The following SLC9A4 variants were observed in gnomAD, a reference collection of about 807,000 sequenced individuals.
SLC9A4 encodes the protein sodium/hydrogen exchanger 4.
SLC9A4 carries 63 observed loss-of-function variants against 67.4 expected under a neutral mutation model. The ratio of observed to expected loss-of-function variants is 0.93; its 90% CI spans 0.76 to 1.15. The LOEUF (loss-of-function observed/expected upper bound fraction) is 1.15. Among genes scored for constraint, SLC9A4 ranks in the 50% most tolerant of loss-of-function variants. The probability of loss-of-function intolerance (pLI) is 0.00; values close to 1 mark genes in which losing one functional copy is unlikely to be tolerated. For missense variants in SLC9A4, 1,089 were observed against 987.7 expected (o/e 1.10, Z -1.38); for synonymous variants, 393 against 367.2 (o/e 1.07, Z -0.80).
chr2:102,505,679 T>A, intron 4 of SLC9A4: 1 of 526,564 alleles, frequency 1.9e-6, no homozygotes. Context: ...AGGTTCTGCA[T>A]TGAAGCAAGG....
Position 102,514,943 on chromosome 2 carries a change from G to A in SLC9A4, c.1721+692G>A, listed in dbSNP as rs997023998. On this transcript the variant is annotated intron_variant, in intron 8 of 11. Coordinates refer to ENST00000295269, the MANE Select transcript of SLC9A4 (RefSeq NM_001011552.4). ...ACAAGACGATTTTCTATGCAACGTGGTAGAGCCTCTGGTAGCCACTTGTCC... is the reference window on the plus strand; with the variant it reads ...ACAAGACGATTTTCTATGCAACGTGATAGAGCCTCTGGTAGCCACTTGTCC... Among the ~76,000 whole-genome samples, 15 of 152,252 alleles carry A rather than the reference G, an allele frequency of 9.9e-5. No homozygotes were observed. The South Asian group carries it at 1.2e-3, about 13-fold the overall frequency.
At chr2:102,489,688 T>A (rs1383121701) in intron 2 of SLC9A4, among the ~76,000 whole-genome samples, 1 of 152,232 alleles carries the variant, frequency 6.6e-6, no homozygotes, top group Non-Finnish European at 1.5e-5. Context: ...AAAGGATAAA[T>A]GTCCAGAGAT....
rs574414542 is a variant in SLC9A4, at chr2:102,496,246, C to T, written c.721-7202C>T. Among the ~76,000 whole-genome samples, 23 of 151,822 alleles carry T rather than the reference C, an allele frequency of 1.5e-4. No individual in the cohort carries two copies. The South Asian group carries it at 4.8e-3, about 32-fold the overall frequency. ...CAGATACACCATAAAAGATGATATA[C>T]TCATGGTCAGTAAGCACATGAAAAT... On this transcript the variant is annotated intron_variant, in intron 2 of 11. Coordinates refer to ENST00000295269, the MANE Select transcript of SLC9A4 (RefSeq NM_001011552.4).
chr2:102,492,846 T>C (rs935749341), intron 2 of SLC9A4, among the ~76,000 whole-genome samples: 16 of 152,238 alleles, frequency 1.1e-4, no homozygotes, highest in African/African-American at 3.9e-4. Context: ...TTTTCCAAAC[T>C]TGTATGCTCT....
rs115263091 is a variant in SLC9A4 at position 102,525,981 on chromosome 2, G to A, written c.1951-278G>A. On this transcript the variant is annotated intron_variant, in intron 10 of 11. Coordinates refer to ENST00000295269, the MANE Select transcript of SLC9A4 (RefSeq NM_001011552.4). ...CAGCTCACTGAAACCTCTGTCTCCC[G>A]GGTTCATGCGATTCTCCTGCCTCAG... Among the ~76,000 whole-genome samples the A allele has an allele frequency of 0.11, 16,415 of 152,034 alleles. 1,166 individuals are homozygous for A. The highest frequency in any genetic ancestry group is 0.19 in the African/African-American group (7,713 of 41,432).
chr2:102,518,795 A>G (rs1685332154), intron 8 of SLC9A4, among the ~76,000 whole-genome samples: 1 of 152,222 alleles, frequency 6.6e-6, no homozygotes, highest in Non-Finnish European at 1.5e-5. Flanking sequence ...TTAAGAGCAT[A>G]TGCAAGCAGA....
At chr2:102,480,825 GT>G (rs1181964562) in intron 2 of SLC9A4, among the ~76,000 whole-genome samples, 1 of 152,194 alleles carries the variant, frequency 6.6e-6, no homozygotes, top group African/African-American at 2.4e-5. Context: ...ACTGACAACA[GT>G]TTATCAGTCA....
chr2:102,532,672 T>C lies in SLC9A4; in HGVS notation c.2381T>C (p.Leu794Ser). 1 of 1,612,098 alleles carries C rather than the reference T, an allele frequency of 6.2e-7. No individual in the cohort carries two copies. The change falls in exon 12 of 12, where the codon TTG becomes TCG. Residue 794 changes from leucine (L) to serine (S), a missense_variant. Physicochemically the swap from Leu to Ser is moderately radical, Grantham distance 145. Coordinates refer to ENST00000295269, the MANE Select transcript of SLC9A4 (RefSeq NM_001011552.4). ...GACCATCACAGGTCCCATAGTCCTT[T>C]GCTCCAAAAAAAATAGTGTTATTGT... ...GRDHHRSHSP[L>S]LQKK is the part of the protein sequence containing the mutation.
chr2:102,508,769 GT>G, intron 5 of SLC9A4, 77 bp from the exon 6 acceptor site: 1 of 1,057,916 alleles, frequency 9.5e-7, no homozygotes, highest in African/African-American at 1.6e-5. Flanking sequence ...CATTCTAATA[GT>G]TTTGTTAATA....
intron 2 of SLC9A4, among the ~76,000 whole-genome samples, chr2:102,483,381 T>G (rs139593593): frequency 2.2e-3 from 342 of 152,256 alleles, no homozygotes; most frequent in South Asian, 5.0e-3. Flanking sequence ...GACCTCACCC[T>G]TTCATTGAGG....
chr2:102,487,814 G>A (rs912078305), intron 2 of SLC9A4, among the ~76,000 whole-genome samples: 3 of 152,182 alleles, frequency 2.0e-5, no homozygotes, highest in Admixed American at 6.6e-5. Context: ...GAGAAACAGG[G>A]AGAAAAGCAA....
intron 2 of SLC9A4, among the ~76,000 whole-genome samples, chr2:102,481,304 C>T (rs1406983446): frequency 6.6e-6 from 1 of 152,146 alleles, no homozygotes; most frequent in Non-Finnish European, 1.5e-5. Context: ...ATATCTTTGA[C>T]AAGGGACATT....
At chr2:102,519,193 A>G (rs922757075) in intron 8 of SLC9A4, among the ~76,000 whole-genome samples, 2 of 152,184 alleles carry the variant, frequency 1.3e-5, no homozygotes, top group African/African-American at 2.4e-5. Context: ...AGTGTATAAT[A>G]TCTTAGAGCT....
chr2:102,473,849 G>T lies in SLC9A4; in HGVS notation c.90G>T (p.Leu30Phe), dbSNP rs779801889. 6.2e-7 allele frequency: 1 copy of T among 1,614,076 alleles called. No homozygotes were observed. The highest frequency in any genetic ancestry group is 8.5e-7 in the Non-Finnish European group (1 of 1,179,970). ...ALECSEASSDLNESANSTAQY... is the reference protein window; with the variant it reads ...ALECSEASSDFNESANSTAQY... The stretch of plus-strand genomic sequence containing the variant: ...AGTGTTCTGAAGCATCTTCTGATTT[G>T]AATGAATCTGCAAATTCCACTGCTC... Residue 30 changes from leucine (L) to phenylalanine (F), a missense_variant, in exon 1 of 12, where the codon TTG (leucine) becomes TTT (phenylalanine). By Grantham distance (22) the Leu-to-Phe change is conservative. Coordinates refer to ENST00000295269, the MANE Select transcript of SLC9A4 (RefSeq NM_001011552.4).
chr2:102,504,544 G>A (rs1265335577), intron 3 of SLC9A4, among the ~76,000 whole-genome samples: 1 of 152,132 alleles, frequency 6.6e-6, no homozygotes, highest in Non-Finnish European at 1.5e-5. Context: ...GTTTATCTTT[G>A]AATGAGGCTT....
intron 9 of SLC9A4, 67 bp from the exon 10 acceptor site, chr2:102,524,957 A>T (rs918792073): frequency 4.0e-5 from 63 of 1,593,028 alleles, no homozygotes; most frequent in Non-Finnish European, 5.1e-5. Context: ...TGATGTTTCC[A>T]TGGCTTCCTT....
At chr2:102,508,786 G>GAT in intron 5 of SLC9A4, 61 bp from the exon 6 acceptor site, 1 of 1,256,376 alleles carries the variant, frequency 8.0e-7, no homozygotes. Context: ...TAATAAATTT[G>GAT]CTCTCTCTAG....
intron 11 of SLC9A4, 116 bp from the exon 12 acceptor site, chr2:102,532,214 A>C (rs1674791142): frequency 8.5e-7 from 1 of 1,169,828 alleles, no homozygotes; most frequent in South Asian, 1.5e-5. Context: ...TTGAGTGTAG[A>C]GCTGAAACCT....
chr2:102,493,829 T>C (rs1319973143), intron 2 of SLC9A4, among the ~76,000 whole-genome samples: 1 of 151,912 alleles, frequency 6.6e-6, no homozygotes, highest in Non-Finnish European at 1.5e-5. Flanking sequence ...AAATCAATTA[T>C]GTTTGTGACA....
Sources: allele counts gnomAD v4.1 joint callset (sites outside exome capture counted in the v4.1 genomes callset), GRCh38; gene constraint gnomAD v4.1.1; transcripts MANE v1.5; gene names NCBI Gene and HGNC (gene_info 2026-07-23, HGNC 2026-07-21).